NAAA: variants seen among roughly 807,000 people sequenced by gnomAD.
NAAA encodes N-acylethanolamine acid amidase.
In NAAA, 39 loss-of-function variants were observed where a neutral mutation model predicts 44.8. The observed-to-expected ratio is 0.87, with a 90% CI of 0.67 to 1.14. NAAA has a LOEUF of 1.14. NAAA is among the 50% of genes most tolerant of loss of function. The pLI, the probability that NAAA is intolerant of heterozygous loss-of-function variation, is 0.00. For missense variants in NAAA, 460 were observed against 467.8 expected, an observed-to-expected ratio of 0.98 and a Z score of 0.15; for synonymous variants, 178 against 191.3, an observed-to-expected ratio of 0.93 and a Z score of 0.58.
chr4:75,923,807 G>A (rs1437612723), intron 5 of NAAA, among the ~76,000 whole-genome samples: 2 of 152,026 alleles, frequency 1.3e-5, no homozygotes, highest in Non-Finnish European at 1.5e-5. Flanking sequence ...CAAAGTGCTG[G>A]GATTACAGGT....
chr4:75,932,823 A>C (rs1727354713), intron 3 of NAAA, among the ~76,000 whole-genome samples: 1 of 151,490 alleles, frequency 6.6e-6, no homozygotes, highest in Admixed American at 6.6e-5. Context: ...TATTTCTGAT[A>C]CCAAATTTTA....
chr4:75,934,634 C>G (rs1305177742), intron 3 of NAAA, among the ~76,000 whole-genome samples: 2 of 152,030 alleles, frequency 1.3e-5, no homozygotes, highest in African/African-American at 4.8e-5. Flanking sequence ...GCCAAAAATA[C>G]TTTTAAGATT....
chr4:75,938,760 A>G (rs1727952446), intron 2 of NAAA, among the ~76,000 whole-genome samples: 1 of 152,230 alleles, frequency 6.6e-6, no homozygotes, highest in Non-Finnish European at 1.5e-5. Context: ...TCTTTATTCC[A>G]GGGCCTATTA....
chr4:75,914,856 G>C lies in NAAA; in HGVS notation c.*36+12C>G. The C allele has an allele frequency of 6.2e-7, 1 of 1,601,304 alleles. No individual in the cohort carries two copies. The highest frequency in any genetic ancestry group is 8.6e-7 in the Non-Finnish European group (1 of 1,168,996). On this transcript the variant is annotated intron_variant, in intron 10 of 10. Coordinates refer to ENST00000286733, the MANE Select transcript of NAAA (RefSeq NM_014435.4). ...CACCTCACCCCCTCTCCACAAAACA[G>C]TAACAACAAACCTTTCACAGCACGG... is the stretch of plus-strand genomic sequence containing the variant.
At chr4:75,917,186 C>T (rs986526696) in intron 9 of NAAA, 4 of 652,160 alleles carry the variant, frequency 6.1e-6, no homozygotes, top group African/African-American at 4.0e-5. Context: ...CATTGTGCCC[C>T]GCTATGAAGG....
chr4:75,923,309 G>T (rs938647425), intron 5 of NAAA, among the ~76,000 whole-genome samples: 1 of 152,076 alleles, frequency 6.6e-6, no homozygotes, highest in African/African-American at 2.4e-5. Context: ...GAGATAGAAA[G>T]AAATTAGGCA....
At chr4:75,927,638 C>T (rs974659394) in intron 4 of NAAA, among the ~76,000 whole-genome samples, 2 of 75,264 alleles carry the variant, frequency 2.7e-5, no homozygotes, top group African/African-American at 3.4e-5. Flanking sequence ...TTAATGCCCC[C>T]CCCCCCCCCG....
chr4:75,936,302 T>C, intron 2 of NAAA, 67 bp from the exon 3 acceptor site: 1 of 1,549,066 alleles, frequency 6.5e-7, no homozygotes, highest in Non-Finnish European at 8.7e-7. Flanking sequence ...AAAGGAGTTT[T>C]TCATTTGTAA....
intron 8 of NAAA, 78 bp from the exon 9 acceptor site, chr4:75,918,867 G>T: frequency 7.3e-7 from 1 of 1,371,862 alleles, no homozygotes; most frequent in Non-Finnish European, 1.0e-6. Flanking sequence ...GGAGGGCCGG[G>T]TGCAGTGGCT....
chr4:75,917,955 C>T (rs6819442), intron 9 of NAAA, among the ~76,000 whole-genome samples: 49,604 of 151,942 alleles, frequency 0.33, 8,685 homozygotes, highest in African/African-American at 0.39. Flanking sequence ...GAAATTCCTC[C>T]GGAGGATAAA....
intron 4 of NAAA, among the ~76,000 whole-genome samples, chr4:75,927,816 C>T (rs796566112): frequency 3.3e-5 from 5 of 151,646 alleles, no homozygotes; most frequent in African/African-American, 1.2e-4. Flanking sequence ...GGGCAAAGGA[C>T]TTGAATAGAT....
chr4:75,920,853 G>T, intron 6 of NAAA, 53 bp from the exon 7 acceptor site: 1 of 1,613,508 alleles, frequency 6.2e-7, no homozygotes, highest in Non-Finnish European at 8.5e-7. Context: ...CGACATAGCA[G>T]AGGAGACATA....
In NAAA at chr4:75,919,952, T is replaced by C. The variant is rs752935750; in HGVS notation, c.926A>G (p.Asn309Ser). The change falls in exon 8 of 11, where the codon AAT becomes AGT. Residue 309 changes from asparagine to serine, a missense_variant. By Grantham distance (46) the Asn-to-Ser change is conservative (BLOSUM62 1). Coordinates refer to ENST00000286733, the MANE Select transcript of NAAA (RefSeq NM_014435.4). ...GCTGAGGTTTGCTTGTCCTGTAGCATTAAGGGCCTTGATGGCAGATGTTCT... is the reference window on the plus strand; with the variant it reads ...GCTGAGGTTTGCTTGTCCTGTAGCACTAAGGGCCTTGATGGCAGATGTTCT... Reference protein sequence around the residue: ...DRRTSAIKALNATGQANLSLE... With the variant: ...DRRTSAIKALSATGQANLSLE... 4.9e-5 allele frequency: 79 copies of C among 1,613,962 alleles called. 1 individual carries two copies. The South Asian group carries it at 6.9e-4, about 14-fold the overall frequency.
chr4:75,939,225 C>A (rs1727999082), intron 2 of NAAA, among the ~76,000 whole-genome samples: 1 of 152,068 alleles, frequency 6.6e-6, no homozygotes, highest in Non-Finnish European at 1.5e-5. Flanking sequence ...TGTTCCCTGT[C>A]GCCCCAGCCC....
At chr4:75,936,281 A>G in intron 2 of NAAA, 46 bp from the exon 3 acceptor site, 1 of 1,563,670 alleles carries the variant, frequency 6.4e-7, no homozygotes, top group East Asian at 2.3e-5. Flanking sequence ...GACAAATAAG[A>G]AAAAAAAGGA....
intron 4 of NAAA, 64 bp from the exon 5 acceptor site, chr4:75,925,875 T>A (rs1726638773): frequency 1.3e-6 from 2 of 1,485,978 alleles, no homozygotes; most frequent in African/African-American, 1.4e-5. Flanking sequence ...GAAACAGATA[T>A]GTTATTTTAG....
chr4:75,914,712 A>C (rs1725493239), intron 10 of NAAA, among the ~76,000 whole-genome samples, 156 bp downstream of exon 10: 1 of 152,160 alleles, frequency 6.6e-6, no homozygotes, highest in Admixed American at 6.6e-5. Flanking sequence ...ATTCCAAATA[A>C]AATATCTAAT....
chr4:75,936,471 C>T (rs1468248720), intron 2 of NAAA, among the ~76,000 whole-genome samples: 3 of 152,194 alleles, frequency 2.0e-5, no homozygotes, highest in South Asian at 2.1e-4. Flanking sequence ...CCTTAGCACA[C>T]ATGGAGGGCA....
intron 9 of NAAA, chr4:75,917,504 G>C (rs1725735265): frequency 6.5e-6 from 1 of 153,998 alleles, no homozygotes; most frequent in African/African-American, 2.4e-5. Context: ...TCGCTCTGTT[G>C]CCCAGGCTAG....
Sources: gnomAD v4.1 joint callset for allele counts (sites outside exome capture counted in the v4.1 genomes callset) on GRCh38, gnomAD v4.1.1 for gene constraint, MANE v1.5 for transcripts, NCBI Gene and HGNC (gene_info 2026-07-23, HGNC 2026-07-21) for gene names.